The following RHOH variants were observed in gnomAD, a reference collection of about 807,000 sequenced individuals.
RHOH encodes rho-related GTP-binding protein RhoH.
RHOH carries 6 observed loss-of-function variants against 13.8 expected under a neutral mutation model. The ratio of observed to expected loss-of-function variants is 0.44; its 90% CI spans 0.24 to 0.86. The LOEUF is 0.86. RHOH is among the 40% of genes least tolerant of loss of function. RHOH has a pLI of 0.24. For missense variants in RHOH, 147 were observed against 244.5 expected (o/e 0.60, Z 2.66); for synonymous variants, 117 against 103.0 (o/e 1.14, Z -0.82).
At chr4:40,239,237 GC>G (rs1249237213) in intron 1 of RHOH, among the ~76,000 whole-genome samples, 2 of 152,166 alleles carry the variant, frequency 1.3e-5, no homozygotes, top group African/African-American at 4.8e-5. Flanking sequence ...GGAAACTGAG[GC>G]CCTGAAAGCT....
In RHOH at chr4:40,245,990, C is replaced by T. The variant is rs1294235328; in HGVS notation, c.*2028C>T. The T allele has an allele frequency of 1.3e-5, 2 of 152,242 alleles. No homozygotes were observed. The highest frequency in any genetic ancestry group is 2.1e-4 in the South Asian group (1 of 4,828). The allele number at this position is 152,242 out of a possible 1,614,324, so 9.4% of individuals were successfully genotyped here. The stretch of plus-strand genomic sequence containing the variant: ...CTCTCCAGGCGGTGGCTTGTACTCA[C>T]CTCTAAGTCACCCGCCTCCCTTGAT... On this transcript the variant is annotated 3_prime_UTR_variant, in exon 3 of 3. Transcript: ENST00000381799.
chr4:40,244,019 G>T lies in RHOH; in HGVS notation c.*57G>T. The T allele has an allele frequency of 7.1e-7, 1 of 1,399,344 alleles. No individual in the cohort carries two copies. The highest frequency in any genetic ancestry group is 2.4e-5 in the East Asian group (1 of 42,176). The allele number at this position is 1,399,344 out of a possible 1,614,324, so 86.7% of individuals were successfully genotyped here. A position where few individuals can be genotyped will look rare whatever the true frequency, so the allele number is the denominator to read the frequency against. ...TGCACCCCAAAGACTAATGGGGAGA[G>T]GGAGGGCCGGGAAGCCAGGAAAGCT... On this transcript the variant is annotated 3_prime_UTR_variant, in exon 3 of 3. Transcript: ENST00000381799.
upstream of RHOH, among the ~76,000 whole-genome samples, chr4:40,192,454 A>G (rs977869436): frequency 2.6e-5 from 4 of 152,222 alleles, no homozygotes; most frequent in African/African-American, 7.2e-5. Flanking sequence ...CAAGGTTTCT[A>G]AGATTTACTA....
At chr4:40,241,490 T>G (rs1055402074) in intron 1 of RHOH, among the ~76,000 whole-genome samples, 12 of 152,198 alleles carry the variant, frequency 7.9e-5, no homozygotes, top group Admixed American at 2.6e-4. Flanking sequence ...CTTACATGTG[T>G]TTAAAAACAT....
chr4:40,201,655 C>T (rs1560682483), intron 1 of RHOH, among the ~76,000 whole-genome samples: 1 of 147,934 alleles, frequency 6.8e-6, no homozygotes, highest in South Asian at 2.1e-4. Flanking sequence ...GGCTCCCCAC[C>T]TTTTTTTTTT....
At chr4:40,210,374 T>C (rs1284484157) in intron 1 of RHOH, among the ~76,000 whole-genome samples, 2 of 152,162 alleles carry the variant, frequency 1.3e-5, no homozygotes, top group African/African-American at 4.8e-5. Flanking sequence ...TTTTGTTGTC[T>C]TTTGTCATGG....
At chr4:40,215,844 T>C (rs7689531) in intron 1 of RHOH, among the ~76,000 whole-genome samples, 17,055 of 152,054 alleles carry the variant, frequency 0.11, 1,001 homozygotes, top group South Asian at 0.19. Flanking sequence ...CGCTTGAACC[T>C]GGGAGGTGGA....
chr4:40,243,415 TG>T lies in RHOH; in HGVS notation c.32del (p.Gly11AlafsTer70). On this transcript the variant is annotated frameshift_variant, in exon 3 of 3. Coordinates refer to ENST00000381799, the MANE Select transcript of RHOH (RefSeq NM_004310.5). LOFTEE classifies it high-confidence loss of function. This position sits in a 1 kb window ranked among gnomAD's most constrained non-coding sequence, Gnocchi z 6.2. ...CTGAGTTCCATCAAGTGCGTGTTGG[TG>T]GGCGACTCTGCTGTGGGGAAAACCT... MLSSIKCVL[V>X]GDSAVGKTSL... The T allele has an allele frequency of 6.2e-7, 1 of 1,603,072 alleles. No homozygotes were observed. The highest frequency in any genetic ancestry group is 1.1e-5 in the South Asian group (1 of 90,020).
At position 40,243,560 on chromosome 4, in the gene RHOH, C is replaced by T. The variant is rs751373133; in HGVS notation, c.174C>T (p.Asp58=). The T allele has an allele frequency of 5.0e-6, 8 of 1,614,120 alleles. No individual in the cohort carries two copies. Among genetic ancestry groups the T allele is most frequent in the African/African-American group, 1.3e-5 (1 of 75,034 alleles). Residue 58 remains aspartate, a synonymous_variant, in exon 3 of 3, where the codon GAC becomes GAT. Coordinates refer to ENST00000381799, the MANE Select transcript of RHOH (RefSeq NM_004310.5). The surrounding 1 kb of genome is among the most constrained non-coding windows in gnomAD (Gnocchi z 6.2). ...TCCAGATCAGCCTGGGCCTCTGGGA[C>T]ACAGCCGGCAATGACGCCTTCAGAA... is the stretch of plus-strand genomic sequence containing the variant. ...DGIQISLGLW[D]TAGNDAFRSI...
chr4:40,241,366 C>G (rs1729222913), intron 1 of RHOH, among the ~76,000 whole-genome samples: 1 of 152,228 alleles, frequency 6.6e-6, no homozygotes, highest in Non-Finnish European at 1.5e-5. Context: ...AAATCAGACT[C>G]TCCACATTCT....
At chr4:40,201,666 C>T (rs1174434861) in intron 1 of RHOH, among the ~76,000 whole-genome samples, 6 of 149,418 alleles carry the variant, frequency 4.0e-5, no homozygotes, top group South Asian at 2.1e-4. Context: ...TTTTTTTTTT[C>T]GGGGCGGGGG....
chr4:40,221,625 G>A (rs1387895456), intron 1 of RHOH, among the ~76,000 whole-genome samples: 3 of 152,152 alleles, frequency 2.0e-5, no homozygotes, highest in Non-Finnish European at 4.4e-5. Context: ...TGTTGTACGT[G>A]TTCTGACTGC....
chr4:40,199,577 T>G (rs554456696), intron 1 of RHOH, among the ~76,000 whole-genome samples: 1 of 152,354 alleles, frequency 6.6e-6, no homozygotes, highest in Non-Finnish European at 1.5e-5. Context: ...GCTGCATTAC[T>G]TGTGGGCCTC....
upstream of RHOH, chr4:40,196,955 C>T (rs1723208300): frequency 6.6e-6 from 1 of 151,138 alleles, no homozygotes; most frequent in Non-Finnish European, 1.5e-5. Flanking sequence ...CCTAAACCCA[C>T]ACAAATGAAA....
At position 40,244,510 on chromosome 4, in the gene RHOH, C is replaced by T. The variant is rs933197890; in HGVS notation, c.*548C>T. On this transcript the variant is annotated 3_prime_UTR_variant, in exon 3 of 3. Transcript: ENST00000381799. Reference sequence around the variant, plus strand: ...ATGGGTAATCAAATTTAAAAATGACCATAAATGAATCTTTGCAATTTGTTT... The same window carrying T: ...ATGGGTAATCAAATTTAAAAATGACTATAAATGAATCTTTGCAATTTGTTT... The T allele has an allele frequency of 9.5e-6, 2 of 210,040 alleles. No homozygotes were observed. Among genetic ancestry groups the T allele is most frequent in the African/African-American group, 4.6e-5 (2 of 43,232 alleles). The allele number at this position is 210,040 out of a possible 1,614,324, so 13.0% of individuals were successfully genotyped here. A position where few individuals can be genotyped will look rare whatever the true frequency, so the allele number is the denominator to read the frequency against.
upstream of RHOH, among the ~76,000 whole-genome samples, chr4:40,196,063 A>G (rs372001480): frequency 6.6e-6 from 1 of 152,180 alleles, no homozygotes; most frequent in Non-Finnish European, 1.5e-5. Flanking sequence ...CATCCATTAG[A>G]GTGGCAGCAG....
chr4:40,199,037 T>C (rs1029028225), intron 1 of RHOH, among the ~76,000 whole-genome samples: 2 of 152,190 alleles, frequency 1.3e-5, no homozygotes, highest in Non-Finnish European at 2.9e-5. Flanking sequence ...ATCCCCATTC[T>C]ATCATTCTAT....
At position 40,243,420 on chromosome 4, in the gene RHOH, G is replaced by A. The variant is rs762307722; in HGVS notation, c.34G>A (p.Asp12Asn). 24 of 1,605,628 alleles carry A rather than the reference G, an allele frequency of 1.5e-5. No individual in the cohort carries two copies. The highest frequency in any genetic ancestry group is 1.9e-5 in the Non-Finnish European group (22 of 1,175,266). Residue 12 changes from aspartate (D) to asparagine (N), a missense_variant, in exon 3 of 3, where the codon GAC becomes AAC. Around this residue, in one of 3 missense-constraint regions of RHOH, gnomAD observed 80 missense variants for 152.0 expected, o/e 0.53. Coordinates refer to ENST00000381799, the MANE Select transcript of RHOH (RefSeq NM_004310.5). The surrounding 1 kb of genome is among the most constrained non-coding windows in gnomAD (Gnocchi z 6.2). ...LSSIKCVLVG[D>N]SAVGKTSLLV... ...TTCCATCAAGTGCGTGTTGGTGGGC[G>A]ACTCTGCTGTGGGGAAAACCTCTCT...
Position 40,245,256 on chromosome 4 carries a change from T to C in RHOH, c.*1294T>C, listed in dbSNP as rs1729690073. The C allele has an allele frequency of 6.6e-6, 1 of 152,130 alleles. No individual in the cohort carries two copies. Among genetic ancestry groups the C allele is most frequent in the Non-Finnish European group, 1.5e-5 (1 of 68,038 alleles). 9.4% of individuals were successfully genotyped at this position (152,130 alleles called of 1,614,324 possible). A position where few individuals can be genotyped will look rare whatever the true frequency, so the allele number is the denominator to read the frequency against. ...AGGACTACATAACTTAAGGTAGAAA[T>C]TGCAAAGGCTGGGTTGGGCAGGGCG... On this transcript the variant is annotated 3_prime_UTR_variant, in exon 3 of 3. Coordinates refer to ENST00000381799, the MANE Select transcript of RHOH (RefSeq NM_004310.5).
Sources: gnomAD v4.1 joint callset for allele counts (sites outside exome capture counted in the v4.1 genomes callset) on GRCh38, gnomAD v4.1.1 for gene constraint, gnomAD v4.1.1 regional missense constraint, Gnocchi (gnomAD v3.1) non-coding constraint, MANE v1.5 for transcripts, NCBI Gene and HGNC (gene_info 2026-07-23, HGNC 2026-07-21) for gene names.